The following CEP76 variants were observed in gnomAD, a reference collection of about 807,000 sequenced individuals.
CEP76 encodes centrosomal protein 76.
CEP76 carries 55 observed loss-of-function variants against 83.3 expected under a neutral mutation model. The observed-to-expected ratio is 0.66, with a 90% CI of 0.53 to 0.83. The LOEUF (loss-of-function observed/expected upper bound fraction) is 0.83, where lower values mean the gene tolerates loss of function less well. Among genes scored for constraint, CEP76 ranks in the 40% least tolerant of loss-of-function variants. CEP76 has a pLI of 0.00. For synonymous variants in CEP76, 270 were observed against 274.5 expected, an observed-to-expected ratio of 0.98 and a Z score of 0.16; for missense variants, 694 against 799.5, an observed-to-expected ratio of 0.87 and a Z score of 1.59.
intron 6 of CEP76, among the ~76,000 whole-genome samples, chr18:12,694,939 T>G (rs567428973): frequency 1.3e-5 from 2 of 151,780 alleles, no homozygotes; most frequent in African/African-American, 4.8e-5. Context: ...ATGGTCACGA[T>G]CTCCTGACCT....
chr18:12,697,886 A>C (rs901359677), intron 4 of CEP76, among the ~76,000 whole-genome samples: 2 of 152,194 alleles, frequency 1.3e-5, no homozygotes, highest in Non-Finnish European at 2.9e-5. Flanking sequence ...AAGGGAAAAA[A>C]ATAAATTTTA....
chr18:12,680,638 T>G, intron 9 of CEP76, 24 bp downstream of exon 9: 3 of 1,358,358 alleles, frequency 2.2e-6, no homozygotes, highest in Non-Finnish European at 3.0e-6. Flanking sequence ...CATTTTAATA[T>G]CCTTATAAAC....
chr18:12,690,060 A>G (rs1293275736), intron 7 of CEP76, among the ~76,000 whole-genome samples: 2 of 151,006 alleles, frequency 1.3e-5, no homozygotes, highest in African/African-American at 4.8e-5. Flanking sequence ...AAGTGCTGGG[A>G]TTACAGGCGT....
chr18:12,676,526 C>T (rs951313029), intron 10 of CEP76, among the ~76,000 whole-genome samples: 19 of 152,056 alleles, frequency 1.2e-4, no homozygotes, highest in Admixed American at 1.2e-3. Flanking sequence ...CCACCCATCT[C>T]AGCCTCCCAA....
At chr18:12,670,785 C>G (rs776001760), downstream of CEP76, 8 of 151,794 alleles carry the variant, frequency 5.3e-5, no homozygotes, top group Non-Finnish European at 1.0e-4. Flanking sequence ...GCAGCTGGGA[C>G]CACAGGTGTG....
chr18:12,693,398 TGA>T (rs1188378966), intron 6 of CEP76, among the ~76,000 whole-genome samples: 1 of 151,916 alleles, frequency 6.6e-6, no homozygotes, highest in East Asian at 1.9e-4. Flanking sequence ...CACTCAAGCC[TGA>T]GAGAGTGAGA....
At chr18:12,667,906 G>A (rs2144955085), downstream of CEP76, among the ~76,000 whole-genome samples, 2 of 149,266 alleles carry the variant, frequency 1.3e-5, no homozygotes, top group Admixed American at 6.7e-5. Context: ...GAAACAAAGG[G>A]GGAAAAAAAC....
intron 6 of CEP76, among the ~76,000 whole-genome samples, chr18:12,693,837 C>T (rs1598654241): frequency 6.6e-6 from 1 of 152,164 alleles, no homozygotes; most frequent in African/African-American, 2.4e-5. Flanking sequence ...TGTGTGTATA[C>T]ACCATTTATT....
intron 8 of CEP76, among the ~76,000 whole-genome samples, chr18:12,682,231 C>T (rs2039376909): frequency 6.6e-6 from 1 of 151,892 alleles, no homozygotes; most frequent in Non-Finnish European, 1.5e-5. Context: ...GTGGCATGAT[C>T]TCAGCTCAAT....
intron 8 of CEP76, chr18:12,684,455 C>T (rs1205563861): frequency 6.6e-6 from 1 of 151,068 alleles, no homozygotes; most frequent in African/African-American, 2.4e-5. Flanking sequence ...CAGAGTCTCG[C>T]TCTGTCACCC....
chr18:12,677,962 T>C, intron 10 of CEP76, 147 bp downstream of exon 10: 1 of 607,426 alleles, frequency 1.6e-6, no homozygotes. Context: ...CTCATGACTT[T>C]CAAAATTATA....
Position 12,666,316 on chromosome 18 carries a change from G to A in CEP76, c.*1728-4147C>T, listed in dbSNP as rs1936812546. On this transcript the variant is annotated intron_variant and NMD_transcript_variant, in intron 12 of 12. Coordinates refer to the CEP76 transcript ENST00000590143. ...TGCACTCTAGCCTGGGTGACAGAGTGAGACCCCCAGCTCAAAATAAAAAAT... is the reference window on the plus strand; with the variant it reads ...TGCACTCTAGCCTGGGTGACAGAGTAAGACCCCCAGCTCAAAATAAAAAAT... 2.6e-5 allele frequency among the ~76,000 whole-genome samples: 4 copies of A among 151,926 alleles called. No individual in the cohort carries two copies. The South Asian group carries it at 8.3e-4, about 32-fold the overall frequency.
At chr18:12,683,186 C>CAAAAAAAAAAAAAAAAAAAAA (rs765652085) in intron 8 of CEP76, among the ~76,000 whole-genome samples, 6 of 63,678 alleles carry the variant, frequency 9.4e-5, no homozygotes, top group African/African-American at 1.8e-4. Context: ...CTAAAAATAC[C>CAAAAAAAAAAAAAAAAAAAAA]AAAAAAAAAA....
chr18:12,677,596 GAAA>G (rs1024345633), intron 10 of CEP76, among the ~76,000 whole-genome samples: 7 of 150,662 alleles, frequency 4.6e-5, no homozygotes, highest in Non-Finnish European at 1.0e-4. Flanking sequence ...AAATGAATAT[GAAA>G]AAAGTATAAC....
In CEP76 at chr18:12,702,687, C is replaced by A. The variant is rs866491371; in HGVS notation, c.-139G>T. Reference sequence around the variant, plus strand: ...TTCGCCTAGCGCAGCTCCCGGGGGACGCAACGCCGCGTCAGGCCGGGGGCT... The same window carrying A: ...TTCGCCTAGCGCAGCTCCCGGGGGAAGCAACGCCGCGTCAGGCCGGGGGCT... On this transcript the variant is annotated 5_prime_UTR_variant, in exon 1 of 12. Transcript: ENST00000262127. The A allele has an allele frequency of 3.3e-6, 3 of 920,694 alleles. No homozygotes were observed. The highest frequency in any genetic ancestry group is 3.1e-5 in the Admixed American group (1 of 32,098). The allele number at this position is 920,694 out of a possible 1,614,324, so 57.0% of individuals were successfully genotyped here. A position where few individuals can be genotyped will look rare whatever the true frequency, so the allele number is the denominator to read the frequency against.
intron 8 of CEP76, chr18:12,685,017 T>C (rs2039489985): frequency 6.6e-6 from 1 of 152,116 alleles, no homozygotes; most frequent in Non-Finnish European, 1.5e-5. Context: ...TTTCTCTTTT[T>C]TTTTTATGGA....
chr18:12,662,151 T>C (rs1245638341), exon 13 of CEP76: 1 of 450,658 alleles, frequency 2.2e-6, no homozygotes, highest in Admixed American at 2.4e-5. Context: ...GGACAAGTGC[T>C]CCTAAGAGGC....
downstream of CEP76, among the ~76,000 whole-genome samples, chr18:12,668,597 C>CAAAAAAA (rs752216074): frequency 3.9e-3 from 281 of 72,776 alleles, 10 homozygotes; most frequent in East Asian, 4.3e-3. Flanking sequence ...GATTCCATCT[C>CAAAAAAA]AAAAAAAAAA....
At chr18:12,699,671 T>TATACTTCATG (rs1284368434) in intron 3 of CEP76, among the ~76,000 whole-genome samples, 159 bp downstream of exon 3, 1 of 152,190 alleles carries the variant, frequency 6.6e-6, no homozygotes, top group Non-Finnish European at 1.5e-5. Context: ...ACTCTTCTGA[T>TATACTTCATG]ATACTTCATG....
Sources: allele counts gnomAD v4.1 joint callset (sites outside exome capture counted in the v4.1 genomes callset), GRCh38; gene constraint gnomAD v4.1.1; transcripts MANE v1.5; gene names NCBI Gene and HGNC (gene_info 2026-07-23, HGNC 2026-07-21).